Variants in ADARB1 observed in about 807,000 individuals in gnomAD.
The protein encoded by ADARB1 is double-stranded RNA-specific editase 1.
Under a neutral mutation model 52.4 loss-of-function variants are expected in ADARB1, and 10 were observed. That is an observed-to-expected ratio of 0.19 (90% CI 0.12 to 0.32). The LOEUF (loss-of-function observed/expected upper bound fraction) is 0.32. Ranked by LOEUF, ADARB1 falls within the 10% of genes least tolerant of loss-of-function variation. The pLI is 1.00. For synonymous variants in ADARB1, 349 were observed against 371.1 expected (o/e 0.94, Z 0.68); for missense variants, 643 against 922.3 (o/e 0.70, Z 3.92).
chr21:45,219,975 T>A (rs2092932761), intron 9 of ADARB1, among the ~76,000 whole-genome samples: 1 of 146,984 alleles, frequency 6.8e-6, no homozygotes, highest in African/African-American at 2.5e-5. Flanking sequence ...GGGCCCCTTC[T>A]GCCTCTTGGT....
chr21:45,087,756 C>G (rs1035009636), intron 1 of ADARB1, among the ~76,000 whole-genome samples: 2 of 152,068 alleles, frequency 1.3e-5, no homozygotes, highest in South Asian at 4.1e-4. Flanking sequence ...GAAATATAAG[C>G]GGAAAACACA....
intron 8 of ADARB1, among the ~76,000 whole-genome samples, chr21:45,187,928 G>C (rs549832489): frequency 5.9e-5 from 9 of 152,266 alleles, no homozygotes; most frequent in African/African-American, 2.2e-4. Flanking sequence ...GTAGTCATCA[G>C]AGATACTGGT....
At chr21:45,144,427 A>G (rs1403464849) in intron 2 of ADARB1, among the ~76,000 whole-genome samples, 1 of 152,250 alleles carries the variant, frequency 6.6e-6, no homozygotes, top group East Asian at 1.9e-4. Context: ...TTGCAAAGAC[A>G]TGGCAGCTGA....
At chr21:45,180,521 A>C in intron 5 of ADARB1, 77 bp downstream of exon 5, 3 of 1,219,984 alleles carry the variant, frequency 2.5e-6, no homozygotes, top group South Asian at 2.6e-5. Context: ...ATCGACAAAA[A>C]CCACTGTGCC....
At position 45,074,629 on chromosome 21, in the gene ADARB1, G is replaced by A; in HGVS notation, c.-384G>A. The A allele has an allele frequency of 6.8e-6, 1 of 147,906 alleles. No individual in the cohort carries two copies. The highest frequency in any genetic ancestry group is 1.5e-5 in the Non-Finnish European group (1 of 67,676). 9.2% of individuals were successfully genotyped at this position (147,906 alleles called of 1,614,324 possible). A position where few individuals can be genotyped will look rare whatever the true frequency, so the allele number is the denominator to read the frequency against. On this transcript the variant is annotated 5_prime_UTR_variant, in exon 1 of 11. Coordinates refer to ENST00000348831, the MANE Select transcript of ADARB1 (RefSeq NM_001112.4). ...CGGCGGCGGCGGCGGCGGCAGCGGC[G>A]GCCAAGCGGCCAGGTTGGCGGCCGG...
Position 45,165,822 on chromosome 21 carries a change from G to A in ADARB1, c.-47-5788G>A, listed in dbSNP as rs183362372. Among the ~76,000 whole-genome samples the A allele has an allele frequency of 3.4e-3, 511 of 149,494 alleles. 2 individuals carry two copies. Among genetic ancestry groups the A allele is most frequent in the Non-Finnish European group, 5.4e-3 (367 of 67,446 alleles). On this transcript the variant is annotated intron_variant, in intron 2 of 10. Transcript: ENST00000348831. ...CACGAATAATCTCCACTTTAATACC[G>A]TTTCTTTTTTTTTTTTTAGTTTGCA...
chr21:45,100,270 G>C (rs1031636345), intron 1 of ADARB1, among the ~76,000 whole-genome samples: 37 of 152,194 alleles, frequency 2.4e-4, no homozygotes, highest in Admixed American at 1.3e-4. Flanking sequence ...ATGTGTGGGT[G>C]AGAGTGGAGT....
intron 1 of ADARB1, among the ~76,000 whole-genome samples, chr21:45,101,603 C>G (rs1050287699): frequency 6.6e-6 from 1 of 152,228 alleles, no homozygotes; most frequent in South Asian, 2.1e-4. Flanking sequence ...AGCGTTGCTT[C>G]TTAAGTAATC....
intron 8 of ADARB1, among the ~76,000 whole-genome samples, chr21:45,198,928 A>G (rs2092488689): frequency 6.6e-6 from 1 of 152,156 alleles, no homozygotes; most frequent in African/African-American, 2.4e-5. Flanking sequence ...ATTTTTTCAT[A>G]GTACTTAAAA....
intron 3 of ADARB1, among the ~76,000 whole-genome samples, chr21:45,174,359 C>A (rs1411957695): frequency 6.6e-6 from 1 of 152,146 alleles, no homozygotes; most frequent in East Asian, 1.9e-4. Flanking sequence ...ATTATTTCTT[C>A]TTCTCCTTTT....
chr21:45,124,767 G>A (rs1283811529), intron 1 of ADARB1, among the ~76,000 whole-genome samples: 1 of 30,174 alleles, frequency 3.3e-5, no homozygotes, highest in Non-Finnish European at 7.0e-5. Context: ...TTTTTAAATG[G>A]TGTGTGTGTG....
At chr21:45,111,552 A>G (rs1338782572) in intron 1 of ADARB1, among the ~76,000 whole-genome samples, 5 of 152,186 alleles carry the variant, frequency 3.3e-5, no homozygotes, top group African/African-American at 1.2e-4. Flanking sequence ...GACGATATGG[A>G]TCCATCCTTA....
Position 45,204,897 on chromosome 21 carries a change from G to A in ADARB1, c.1747+161G>A, listed in dbSNP as rs1184081286. On this transcript the variant is annotated intron_variant, in intron 9 of 10. Transcript: ENST00000348831. The surrounding 1 kb of genome is among the most constrained non-coding windows in gnomAD (Gnocchi z 4.4). The stretch of plus-strand genomic sequence containing the variant: ...AAGGTGATGTTTCTGAGGCTCTCCG[G>A]GCCTTGTCTCTAGGGCCTTTTAAGT... Among the ~76,000 whole-genome samples the A allele has an allele frequency of 6.6e-6, 1 of 152,002 alleles. No individual in the cohort carries two copies. The highest frequency in any genetic ancestry group is 1.5e-5 in the Non-Finnish European group (1 of 68,020).
intron 1 of ADARB1, among the ~76,000 whole-genome samples, chr21:45,084,098 A>T (rs1028927539): frequency 6.6e-6 from 1 of 152,202 alleles, no homozygotes; most frequent in African/African-American, 2.4e-5. Flanking sequence ...CCTGCTTCTG[A>T]ACAGGATGGT....
chr21:45,134,581 C>G (rs1265454944), intron 2 of ADARB1: 2 of 369,530 alleles, frequency 5.4e-6, no homozygotes, highest in Non-Finnish European at 1.1e-5. Context: ...GAGGCATATG[C>G]CTGACAGAGG....
At chr21:45,183,117 A>G (rs973118027) in intron 6 of ADARB1, among the ~76,000 whole-genome samples, 3 of 152,170 alleles carry the variant, frequency 2.0e-5, no homozygotes, top group African/African-American at 7.2e-5. Flanking sequence ...TTACAAAGCC[A>G]TTTTTTGTAT....
intron 1 of ADARB1, among the ~76,000 whole-genome samples, chr21:45,120,523 C>CT (rs1197778477): frequency 6.6e-6 from 1 of 152,174 alleles, no homozygotes; most frequent in Admixed American, 6.5e-5. Flanking sequence ...GGAAAACACT[C>CT]TAAGGAAGCC....
rs2091694109 is a variant in ADARB1 at position 45,176,327 on chromosome 21, C to T, written c.626C>T (p.Ser209Phe). 4 of 1,613,908 alleles carry T rather than the reference C, an allele frequency of 2.5e-6. No individual in the cohort carries two copies. Among genetic ancestry groups the T allele is most frequent in the Non-Finnish European group, 3.4e-6 (4 of 1,179,924 alleles). Residue 209 changes from serine (S) to phenylalanine (F), a missense_variant, in exon 4 of 11, where the codon TCT becomes TTT. Ser to Phe is a radical substitution (Grantham distance 155, BLOSUM62 -2). This residue lies in a region of ADARB1 where 380 missense variants were observed against 446.5 expected (regional missense o/e 0.85). Coordinates refer to ENST00000348831, the MANE Select transcript of ADARB1 (RefSeq NM_001112.4). The surrounding 1 kb of genome is among the most constrained non-coding windows in gnomAD (Gnocchi z 5.8). ...SFSSSGDLSL[S>F]ASPVPASLAQ... ...AGTTCCAGCGGGGACCTCAGCTTGT[C>T]TGCTTCCCCGGTGCCTGCCAGCCTA...
chr21:45,184,610 C>T (rs1215243784), intron 7 of ADARB1: 1 of 322,268 alleles, frequency 3.1e-6, no homozygotes, highest in African/African-American at 2.2e-5. Context: ...ACCACTATAC[C>T]TGGCTAATTT....
Sources: allele counts gnomAD v4.1 joint callset (sites outside exome capture counted in the v4.1 genomes callset), GRCh38; gene constraint gnomAD v4.1.1; regional missense constraint gnomAD v4.1.1; non-coding constraint Gnocchi (gnomAD v3.1); transcripts MANE v1.5; gene names NCBI Gene and HGNC (gene_info 2026-07-23, HGNC 2026-07-21).